RHOBTB2: variants seen among roughly 807,000 people sequenced by gnomAD.
RHOBTB2 encodes Rho related BTB domain containing 2, also known as rho-related BTB domain-containing protein 2.
RHOBTB2 carries 39 observed loss-of-function variants against 66.5 expected under a neutral mutation model. The observed-to-expected ratio is 0.59, with a 90% CI of 0.45 to 0.77. The LOEUF (loss-of-function observed/expected upper bound fraction) is 0.77. Ranked by LOEUF, RHOBTB2 falls within the 30% of genes least tolerant of loss-of-function variation. The pLI, the probability that RHOBTB2 is intolerant of heterozygous loss-of-function variation, is 0.00. For synonymous variants in RHOBTB2, 390 were observed against 395.0 expected, an observed-to-expected ratio of 0.99 and a Z score of 0.15; for missense variants, 755 against 999.1, an observed-to-expected ratio of 0.76 and a Z score of 3.29.
At chr8:22,969,678 A>C in the RHOBTB2 span, among the ~76,000 whole-genome samples, 1 of 152,360 alleles carries the variant, frequency 6.6e-6, no homozygotes, top group East Asian at 1.9e-4. Flanking sequence ...AGTATAATCA[A>C]TATTATTTAT....
chr8:22,953,595 C>G, the RHOBTB2 span, among the ~76,000 whole-genome samples: 1 of 152,178 alleles, frequency 6.6e-6, no homozygotes, highest in Admixed American at 6.5e-5. Context: ...TGGTTAGTTC[C>G]TCCTTTAGAA....
the RHOBTB2 span, among the ~76,000 whole-genome samples, chr8:22,974,388 G>A: frequency 6.6e-6 from 1 of 152,192 alleles, no homozygotes; most frequent in Non-Finnish European, 1.5e-5. Context: ...CAGTCACAAG[G>A]CAGAGGCAAA....
the RHOBTB2 span, among the ~76,000 whole-genome samples, chr8:22,958,650 A>C: frequency 4.0e-5 from 6 of 151,776 alleles, no homozygotes; most frequent in Non-Finnish European, 2.9e-5. Flanking sequence ...AAATCAAAAA[A>C]ATTAGCTGGG....
upstream of RHOBTB2, among the ~76,000 whole-genome samples, chr8:22,982,799 T>C (rs1268650777): frequency 6.6e-6 from 1 of 152,238 alleles, no homozygotes; most frequent in Non-Finnish European, 1.5e-5. Context: ...AGAAATTTAT[T>C]GCTCACAGTT....
intron 6 of RHOBTB2, 152 bp downstream of exon 6, chr8:23,008,263 G>A: frequency 3.2e-6 from 2 of 622,716 alleles, no homozygotes; most frequent in East Asian, 5.4e-5. Flanking sequence ...GGTTCTTGGA[G>A]CTAAGGATTA....
chr8:22,962,179 C>CAAAAAAAAAAAAAAAAAAAAAAA, the RHOBTB2 span, among the ~76,000 whole-genome samples: 16 of 13,836 alleles, frequency 1.2e-3, 2 homozygotes, highest in Admixed American at 2.8e-3. Flanking sequence ...AACGAATTTA[C>CAAAAAAAAAAAAAAAAAAAAAAA]AAAAAAAAAA....
chr8:22,988,528 C>T (rs1404979424), intron 1 of RHOBTB2, among the ~76,000 whole-genome samples: 1 of 152,178 alleles, frequency 6.6e-6, no homozygotes, highest in Middle Eastern at 3.2e-3. Context: ...CCACCCAACT[C>T]TGGGAGCTCC....
the RHOBTB2 span, among the ~76,000 whole-genome samples, chr8:22,957,127 A>G: frequency 0.22 from 33,258 of 151,852 alleles, 4,477 homozygotes; most frequent in East Asian, 0.42. Flanking sequence ...GATACCTTGC[A>G]GAACTCTTCC....
chr8:22,995,815 C>A (rs1362649847), upstream of RHOBTB2: 6 of 1,549,872 alleles, frequency 3.9e-6, no homozygotes, highest in African/African-American at 1.4e-5. Context: ...GAGCTCATGT[C>A]ACAAGGCCCA....
chr8:22,999,442 G>T (rs1810687686), upstream of RHOBTB2: 5 of 519,396 alleles, frequency 9.6e-6, no homozygotes, highest in South Asian at 1.8e-4. Context: ...GTGGGCGGGA[G>T]CGGTGCTGCG....
the RHOBTB2 span, chr8:22,978,034 A>T: frequency 6.6e-6 from 1 of 152,150 alleles, no homozygotes; most frequent in Non-Finnish European, 1.5e-5. Flanking sequence ...AGGTTACCTA[A>T]GGAAGGAAAA....
At chr8:22,967,249 GACATGCTGCA>G in the RHOBTB2 span, among the ~76,000 whole-genome samples, 1 of 152,184 alleles carries the variant, frequency 6.6e-6, no homozygotes, top group Admixed American at 6.5e-5. Flanking sequence ...AGAAAATTCA[GACATGCTGCA>G]ACATGAATGG....
upstream of RHOBTB2, chr8:22,984,598 T>A (rs1340647251): frequency 6.6e-6 from 1 of 152,212 alleles, no homozygotes; most frequent in East Asian, 1.9e-4. Context: ...TAAACCCACC[T>A]GATCATGATG....
the RHOBTB2 span, among the ~76,000 whole-genome samples, chr8:22,971,653 C>G: frequency 6.6e-6 from 1 of 152,206 alleles, no homozygotes; most frequent in Non-Finnish European, 1.5e-5. Flanking sequence ...AACTTCTGTG[C>G]AGCATTTGAC....
Position 23,004,936 on chromosome 8 carries a change from T to G in RHOBTB2, c.192+310T>G. ...TGGGGAGCACTGGAGGGCTGGGGCT[T>G]GGAAGAGATACAAGCTGAGAGGAGC... On this transcript the variant is annotated intron_variant, in intron 2 of 9. Transcript: ENST00000251822. This position sits in a 1 kb window ranked among gnomAD's most constrained non-coding sequence, Gnocchi z 6.4. The G allele has an allele frequency of 2.2e-6, 1 of 460,020 alleles. No individual in the cohort carries two copies. Among genetic ancestry groups the G allele is most frequent in the Non-Finnish European group, 4.0e-6 (1 of 250,904 alleles). 28.5% of individuals were successfully genotyped at this position (460,020 alleles called of 1,614,324 possible). A position where few individuals can be genotyped will look rare whatever the true frequency, so the allele number is the denominator to read the frequency against.
chr8:23,019,496 A>AG lies in RHOBTB2; in HGVS notation c.*2032dup, dbSNP rs1443510120. The AG allele has an allele frequency of 6.6e-6, 1 of 152,592 alleles. No individual in the cohort carries two copies. The highest frequency in any genetic ancestry group is 1.5e-5 in the Non-Finnish European group (1 of 68,356). 9.5% of individuals were successfully genotyped at this position (152,592 alleles called of 1,614,324 possible). Reference sequence around the variant, plus strand: ...CCCATGGGCAGGGCTGGGGGGACGAAGGGGGAACCCGGAGCACCTCCACTT... The same window carrying AG: ...CCCATGGGCAGGGCTGGGGGGACGAAGGGGGGAACCCGGAGCACCTCCACTT... On this transcript the variant is annotated 3_prime_UTR_variant, in exon 10 of 10. Coordinates refer to ENST00000251822, the MANE Select transcript of RHOBTB2 (RefSeq NM_015178.3).
chr8:22,999,545 G>A, upstream of RHOBTB2: 1 of 1,175,598 alleles, frequency 8.5e-7, no homozygotes, highest in Non-Finnish European at 1.1e-6. Flanking sequence ...CGCGGCAGTG[G>A]GCGGGGCCCG....
chr8:22,977,828 G>C, the RHOBTB2 span: 3 of 152,098 alleles, frequency 2.0e-5, no homozygotes, highest in Admixed American at 2.0e-4. Flanking sequence ...ATGTGATGGT[G>C]GTTTTGTGGT....
At chr8:22,984,474 T>C (rs1175278168), upstream of RHOBTB2, 2 of 152,206 alleles carry the variant, frequency 1.3e-5, no homozygotes, top group Non-Finnish European at 2.9e-5. Context: ...ATATATTACA[T>C]CATTTAAATA....
Sources: gnomAD v4.1 joint callset for allele counts (sites outside exome capture counted in the v4.1 genomes callset) on GRCh38, gnomAD v4.1.1 for gene constraint, Gnocchi (gnomAD v3.1) non-coding constraint, MANE v1.5 for transcripts, NCBI Gene and HGNC (gene_info 2026-07-23, HGNC 2026-07-21) for gene names.